Variants in DNAH7 observed in about 807,000 individuals in gnomAD.
The protein encoded by DNAH7 is axonemal beta dynein heavy chain 7.
DNAH7 carries 397 observed loss-of-function variants against 444.6 expected under a neutral mutation model. The observed-to-expected ratio is 0.89, with a 90% CI of 0.82 to 0.97. The LOEUF (loss-of-function observed/expected upper bound fraction) is 0.97, where lower values mean the gene tolerates loss of function less well. Ranked by LOEUF, DNAH7 falls within the 50% of genes least tolerant of loss-of-function variation. The pLI, the probability that DNAH7 is intolerant of heterozygous loss-of-function variation, is 0.00. For synonymous variants in DNAH7, 1,636 were observed against 1,624.4 expected (o/e 1.01, Z -0.17); for missense variants, 4,902 against 4,800.8 (o/e 1.02, Z -0.62).
chr2:195,755,931 T>C (rs1333534626), intron 62 of DNAH7, among the ~76,000 whole-genome samples: 1 of 152,244 alleles, frequency 6.6e-6, no homozygotes, highest in Admixed American at 6.5e-5. Flanking sequence ...CATAGCTAGA[T>C]GTTTTCTGCC....
intron 37 of DNAH7, 47 bp from the exon 38 acceptor site, chr2:195,875,890 A>T (rs368174885): frequency 1.9e-6 from 3 of 1,544,908 alleles, no homozygotes; most frequent in African/African-American, 2.7e-5. Flanking sequence ...ACATCTCAAC[A>T]TACAGTCCTA....
intron 54 of DNAH7, among the ~76,000 whole-genome samples, chr2:195,802,852 G>A (rs1306891419): frequency 6.6e-6 from 1 of 152,024 alleles, no homozygotes; most frequent in African/African-American, 2.4e-5. Context: ...CATCCACCCT[G>A]CCACACCCTT....
Position 195,926,432 on chromosome 2 carries a change from C to T in DNAH7, c.3606G>A (p.Gly1202=), listed in dbSNP as rs767015854. 3.8e-6 allele frequency: 6 copies of T among 1,573,810 alleles called. No individual in the cohort carries two copies. In the East Asian group the frequency reaches 1.4e-4, roughly 37 times the overall value. ...TKEVQTAIPM[G]IKALEQYLKT... ...AGGGTTAATAAAACCTTACCTTTAT[C>T]CCCATTGGAATAGCTGTTTGTACTT... The change falls in exon 22 of 65, where the codon GGG becomes GGA. Residue 1202 remains glycine (G), a synonymous_variant. Coordinates refer to ENST00000312428, the MANE Select transcript of DNAH7 (RefSeq NM_018897.3).
chr2:195,910,741 TA>T (rs753762589), intron 24 of DNAH7, among the ~76,000 whole-genome samples: 1 of 152,114 alleles, frequency 6.6e-6, no homozygotes, highest in Non-Finnish European at 1.5e-5. Flanking sequence ...TATATAAATC[TA>T]GAAGTCTTGA....
intron 15 of DNAH7, among the ~76,000 whole-genome samples, chr2:195,975,857 C>T (rs1692154573): frequency 6.6e-6 from 1 of 152,110 alleles, no homozygotes; most frequent in Non-Finnish European, 1.5e-5. Flanking sequence ...AGTCCTGGCA[C>T]AATTCATCAC....
chr2:195,938,346 A>T (rs1341782198), intron 19 of DNAH7, among the ~76,000 whole-genome samples: 2 of 116,962 alleles, frequency 1.7e-5, no homozygotes, highest in South Asian at 2.5e-4. Context: ...ATAGACATTC[A>T]CACACACACA....
chr2:195,783,323 C>T (rs964564222), intron 58 of DNAH7, among the ~76,000 whole-genome samples: 1 of 152,138 alleles, frequency 6.6e-6, no homozygotes, highest in Non-Finnish European at 1.5e-5. Flanking sequence ...CAATAGGTGG[C>T]TTAAAATGAT....
At position 195,960,138 on chromosome 2, in the gene DNAH7, AAAAG is replaced by A. The variant is rs576988428; in HGVS notation, c.2891+118_2891+121del. 1.7e-4 allele frequency: 144 copies of A among 832,168 alleles called. 1 individual carries two copies. In the South Asian group the frequency reaches 2.8e-3, roughly 16 times the overall value. The allele number at this position is 832,168 out of a possible 1,614,324, so 51.5% of individuals were successfully genotyped here. A position where few individuals can be genotyped will look rare whatever the true frequency, so the allele number is the denominator to read the frequency against. ...AGTATGAAATGCAAAATCAATTCTCAAAAGAAATAAAATATTAAGTATGAAATAT... is the reference window on the plus strand; with the variant it reads ...AGTATGAAATGCAAAATCAATTCTCAAAATAAAATATTAAGTATGAAATAT... On this transcript the variant is annotated intron_variant, in intron 18 of 64. Coordinates refer to ENST00000312428, the MANE Select transcript of DNAH7 (RefSeq NM_018897.3).
rs114806810 is a variant in DNAH7 at position 195,904,029 on chromosome 2, C to A, written c.4335+2630G>T. ...GGGCCACACTGAAGCTCTATAAGTGCTGCCCTACATACCTTCTGGCAGAGT... is the reference window on the plus strand; with the variant it reads ...GGGCCACACTGAAGCTCTATAAGTGATGCCCTACATACCTTCTGGCAGAGT... On this transcript the variant is annotated intron_variant, in intron 27 of 64. Coordinates refer to ENST00000312428, the MANE Select transcript of DNAH7 (RefSeq NM_018897.3). 235 of 152,318 alleles carry A rather than the reference C, an allele frequency of 1.5e-3. 2 individuals carry two copies. Among genetic ancestry groups the A allele is most frequent in the African/African-American group, 5.4e-3 (224 of 41,550 alleles). The allele number at this position is 152,318 out of a possible 1,614,324, so 9.4% of individuals were successfully genotyped here. A position where few individuals can be genotyped will look rare whatever the true frequency, so the allele number is the denominator to read the frequency against.
At position 195,848,238 on chromosome 2, in the gene DNAH7, G is replaced by A. The variant is rs566183964; in HGVS notation, c.8782-3073C>T. ...ACAAGAAAGGGCATCACAGTTTTGG[G>A]GGAATTGATGACATTCATGACCTTG... On this transcript the variant is annotated intron_variant, in intron 46 of 64. Transcript: ENST00000312428. 2.0e-5 allele frequency among the ~76,000 whole-genome samples: 3 copies of A among 152,292 alleles called. No individual in the cohort carries two copies. The East Asian group carries it at 5.8e-4, about 29-fold the overall frequency.
At position 195,884,621 on chromosome 2, in the gene DNAH7, T is replaced by C; in HGVS notation, c.5727A>G (p.Glu1909=). Residue 1909 remains glutamate (E), a synonymous_variant, in exon 35 of 65, where the codon GAA becomes GAG. Coordinates refer to ENST00000312428, the MANE Select transcript of DNAH7 (RefSeq NM_018897.3). ...SSKALTVPFP[E]KGTIYDYQFV... Reference sequence around the variant, plus strand: ...ATTGATAATCATAAATTGTTCCTTTTTCAGGAAATGGGACAGTTAGTGCCT... The same window carrying C: ...ATTGATAATCATAAATTGTTCCTTTCTCAGGAAATGGGACAGTTAGTGCCT... 1 of 1,614,160 alleles carries C rather than the reference T, an allele frequency of 6.2e-7. No individual in the cohort carries two copies. The highest frequency in any genetic ancestry group is 8.5e-7 in the Non-Finnish European group (1 of 1,179,986).
chr2:195,936,822 C>CA (rs1196113026), intron 19 of DNAH7, 30 bp from the exon 20 acceptor site: 1 of 1,419,564 alleles, frequency 7.0e-7, no homozygotes, highest in Non-Finnish European at 9.4e-7. Context: ...ACACTCAATT[C>CA]AAAAATATTA....
intron 1 of DNAH7, chr2:196,063,816 G>C (rs1047312631): frequency 2.0e-5 from 3 of 152,200 alleles, no homozygotes; most frequent in Non-Finnish European, 4.4e-5. Flanking sequence ...CCAAAATGCA[G>C]GCGTCTATCC....
At chr2:196,064,348 T>TAAATAATA (rs377755167) in intron 1 of DNAH7, among the ~76,000 whole-genome samples, 12 of 34,020 alleles carry the variant, frequency 3.5e-4, no homozygotes, top group African/African-American at 6.4e-4. Flanking sequence ...AATAAATAAA[T>TAAATAATA]AATAAATAAT....
intron 12 of DNAH7, 44 bp from the exon 13 acceptor site, chr2:195,988,273 G>T (rs1277901577): frequency 6.9e-7 from 1 of 1,448,244 alleles, no homozygotes; most frequent in South Asian, 1.4e-5. Context: ...ATATCTTAAA[G>T]TAACTATATC....
chr2:196,014,874 G>C (rs1403806020), intron 9 of DNAH7, among the ~76,000 whole-genome samples: 1 of 151,930 alleles, frequency 6.6e-6, no homozygotes, highest in Non-Finnish European at 1.5e-5. Flanking sequence ...TCTTCTCCTG[G>C]AGACCTTTTC....
At chr2:195,957,748 G>A (rs1443299408) in intron 18 of DNAH7, among the ~76,000 whole-genome samples, 1 of 151,626 alleles carries the variant, frequency 6.6e-6, no homozygotes, top group East Asian at 1.9e-4. Context: ...TACAAAATAT[G>A]TTTAAAGATA....
intron 28 of DNAH7, among the ~76,000 whole-genome samples, chr2:195,898,803 G>C (rs145269077): frequency 2.7e-3 from 417 of 152,282 alleles, no homozygotes; most frequent in Non-Finnish European, 4.8e-3. Context: ...CAAAATATTT[G>C]TGGTGTACCC....
At chr2:196,004,864 G>A (rs1386094468) in intron 10 of DNAH7, among the ~76,000 whole-genome samples, 4 of 151,642 alleles carry the variant, frequency 2.6e-5, no homozygotes, top group Non-Finnish European at 5.9e-5. Flanking sequence ...AGGAGGCTGA[G>A]GTGGGAGGAT....
Sources: allele counts gnomAD v4.1 joint callset (sites outside exome capture counted in the v4.1 genomes callset), GRCh38; gene constraint gnomAD v4.1.1; transcripts MANE v1.5; gene names NCBI Gene and HGNC (gene_info 2026-07-23, HGNC 2026-07-21).